Variants in PPARD observed in about 807,000 individuals in gnomAD.
PPARD encodes peroxisome proliferator-activated receptor delta.
In PPARD, 6 loss-of-function variants were observed where a neutral mutation model predicts 39.5. The ratio of observed to expected loss-of-function variants is 0.15; its 90% CI spans 0.08 to 0.30. The LOEUF (loss-of-function observed/expected upper bound fraction) is 0.30. PPARD is among the 10% of genes least tolerant of loss of function. The pLI is 1.00. For missense variants in PPARD, 397 were observed against 596.8 expected, an observed-to-expected ratio of 0.67 and a Z score of 3.49; for synonymous variants, 210 against 231.3, an observed-to-expected ratio of 0.91 and a Z score of 0.83.
chr6:35,346,784 C>G (rs1393385023), intron 1 of PPARD, among the ~76,000 whole-genome samples: 1 of 152,234 alleles, frequency 6.6e-6, no homozygotes, highest in Non-Finnish European at 1.5e-5. Context: ...AGCTTCTACC[C>G]AGCTCCCTTC....
At chr6:35,400,687 C>T (rs1209866414) in intron 2 of PPARD, among the ~76,000 whole-genome samples, 5 of 152,042 alleles carry the variant, frequency 3.3e-5, no homozygotes, top group Non-Finnish European at 4.4e-5. Context: ...GTGGTCCCAG[C>T]TACTCAGGAG....
intron 2 of PPARD, among the ~76,000 whole-genome samples, chr6:35,370,152 T>C (rs1762405272): frequency 6.6e-6 from 1 of 152,150 alleles, no homozygotes; most frequent in African/African-American, 2.4e-5. Flanking sequence ...GTCAACCAGT[T>C]AGTTTGGGAA....
intron 2 of PPARD, among the ~76,000 whole-genome samples, chr6:35,408,008 T>C (rs1299633265): frequency 6.6e-6 from 1 of 152,122 alleles, no homozygotes; most frequent in Admixed American, 6.5e-5. Flanking sequence ...TAAAACAAGT[T>C]TGATTTTTTC....
chr6:35,405,239 A>T (rs1371970451), intron 2 of PPARD, among the ~76,000 whole-genome samples: 1 of 151,702 alleles, frequency 6.6e-6, no homozygotes, highest in Non-Finnish European at 1.5e-5. Flanking sequence ...GGGTTTTGCC[A>T]TGTTGGCCAG....
chr6:35,399,122 G>T (rs530440141), intron 2 of PPARD, among the ~76,000 whole-genome samples: 38 of 151,854 alleles, frequency 2.5e-4, no homozygotes, highest in African/African-American at 7.5e-4. Flanking sequence ...CAAAAAAAAG[G>T]CCGGGCGTAG....
At chr6:35,419,310 T>C (rs745916769) in intron 3 of PPARD, among the ~76,000 whole-genome samples, 1 of 152,140 alleles carries the variant, frequency 6.6e-6, no homozygotes, top group Non-Finnish European at 1.5e-5. Context: ...CTTTCCAAGA[T>C]GAAGAGATCA....
At chr6:35,371,001 C>T (rs912322543) in intron 2 of PPARD, among the ~76,000 whole-genome samples, 1 of 152,206 alleles carries the variant, frequency 6.6e-6, no homozygotes, top group African/African-American at 2.4e-5. Flanking sequence ...CCCCTACTCA[C>T]CCCACACCCT....
At chr6:35,384,064 G>A (rs1763373173) in intron 2 of PPARD, among the ~76,000 whole-genome samples, 2 of 147,884 alleles carry the variant, frequency 1.4e-5, no homozygotes, top group Non-Finnish European at 1.5e-5. Flanking sequence ...CGCCAGGCCA[G>A]CCGCCCCGTC....
intron 2 of PPARD, among the ~76,000 whole-genome samples, chr6:35,371,886 T>C (rs2150543147): frequency 6.6e-6 from 1 of 152,344 alleles, no homozygotes; most frequent in South Asian, 2.1e-4. Context: ...TGATTACATA[T>C]TTATTACTCT....
At chr6:35,420,002 A>G (rs1300182416) in intron 3 of PPARD, 125 bp from the exon 4 acceptor site, 1 of 1,162,978 alleles carries the variant, frequency 8.6e-7, no homozygotes, top group African/African-American at 1.6e-5. Flanking sequence ...TGGTCCTCAG[A>G]AAGGTTGACT....
At position 35,385,661 on chromosome 6, in the gene PPARD, A is replaced by C. The variant is rs569865497; in HGVS notation, c.-101-25326A>C. Among the ~76,000 whole-genome samples the C allele has an allele frequency of 1.1e-3, 159 of 151,376 alleles. 4 individuals are homozygous for C. The highest frequency in any genetic ancestry group is 4.3e-3 in the East Asian group (22 of 5,176). Reference sequence around the variant, plus strand: ...TAAATAAATTTAAAAAAAAAAAAAAAAAAAAACAAATGGGTAACTTGCTGC... The same window carrying C: ...TAAATAAATTTAAAAAAAAAAAAAACAAAAAACAAATGGGTAACTTGCTGC... On this transcript the variant is annotated intron_variant, in intron 2 of 7. Transcript: ENST00000360694.
intron 2 of PPARD, among the ~76,000 whole-genome samples, chr6:35,349,530 G>A (rs1298486279): frequency 6.6e-6 from 1 of 152,058 alleles, no homozygotes; most frequent in Non-Finnish European, 1.5e-5. Flanking sequence ...TTTGCGTTGG[G>A]ATGCATTCAG....
chr6:35,386,567 G>A lies in PPARD; in HGVS notation c.-101-24420G>A, dbSNP rs373623341. Among the ~76,000 whole-genome samples the A allele has an allele frequency of 1.4e-4, 21 of 152,106 alleles. No individual in the cohort carries two copies. In the East Asian group the frequency reaches 3.3e-3, roughly 24 times the overall value. ...GATCTTGGGGAATATTGGAGATGAC[G>A]GAATAACTTCAAGGAGACTAACTTC... On this transcript the variant is annotated intron_variant, in intron 2 of 7. Transcript: ENST00000360694.
chr6:35,353,888 C>A (rs1250217991), intron 2 of PPARD, among the ~76,000 whole-genome samples: 2 of 152,144 alleles, frequency 1.3e-5, no homozygotes, highest in Non-Finnish European at 2.9e-5. Context: ...CTCACCCTTT[C>A]TTTAATACAG....
intron 2 of PPARD, among the ~76,000 whole-genome samples, chr6:35,387,909 A>G (rs1763770414): frequency 6.6e-6 from 1 of 151,268 alleles, no homozygotes; most frequent in East Asian, 1.9e-4. Flanking sequence ...TTGGGTAGAG[A>G]TGGGGTTTCA....
chr6:35,367,431 C>G (rs560346037), intron 2 of PPARD, among the ~76,000 whole-genome samples: 3 of 152,120 alleles, frequency 2.0e-5, no homozygotes, highest in Non-Finnish European at 4.4e-5. Context: ...CTTTCACAGC[C>G]CGTTCACTTC....
intron 2 of PPARD, among the ~76,000 whole-genome samples, chr6:35,375,512 G>A (rs9470005): frequency 0.041 from 6,242 of 151,932 alleles, 451 homozygotes; most frequent in African/African-American, 0.14. Context: ...CACTGCTCCC[G>A]GCCCGGAATT....
At chr6:35,415,831 T>C (rs1013994290) in intron 3 of PPARD, among the ~76,000 whole-genome samples, 3 of 139,560 alleles carry the variant, frequency 2.1e-5, no homozygotes, top group Non-Finnish European at 4.6e-5. Flanking sequence ...TTTTAACGAA[T>C]TGGTTCACAC....
intron 3 of PPARD, among the ~76,000 whole-genome samples, chr6:35,417,856 C>G (rs912284020): frequency 6.6e-6 from 1 of 152,210 alleles, no homozygotes; most frequent in African/African-American, 2.4e-5. Flanking sequence ...CTTACCTCAG[C>G]TATTTGAGGA....
Sources: allele counts gnomAD v4.1 joint callset (sites outside exome capture counted in the v4.1 genomes callset), GRCh38; gene constraint gnomAD v4.1.1; transcripts MANE v1.5; gene names NCBI Gene and HGNC (gene_info 2026-07-23, HGNC 2026-07-21).